Variants in PHACTR1 observed in about 807,000 individuals in gnomAD.
PHACTR1 encodes phosphatase and actin regulator 1, also known as RPEL repeat containing 1.
In PHACTR1, 16 loss-of-function variants were observed where a neutral mutation model predicts 69.2. The ratio of observed to expected loss-of-function variants is 0.23; its 90% CI spans 0.16 to 0.35. The LOEUF (loss-of-function observed/expected upper bound fraction) is 0.35. PHACTR1 is among the 10% of genes least tolerant of loss of function. PHACTR1 has a pLI of 1.00. For missense variants in PHACTR1, 510 were observed against 734.7 expected (o/e 0.69, Z 3.54); for synonymous variants, 312 against 284.5 (o/e 1.10, Z -0.97).
chr6:12,841,445 T>C (rs558597339), intron 4 of PHACTR1, among the ~76,000 whole-genome samples: 21 of 152,324 alleles, frequency 1.4e-4, no homozygotes, highest in African/African-American at 4.3e-4. Flanking sequence ...GAGTGGGGCT[T>C]CACAATATCT....
intron 6 of PHACTR1, among the ~76,000 whole-genome samples, chr6:13,173,722 T>C (rs760034345): frequency 2.0e-5 from 3 of 152,050 alleles, no homozygotes; most frequent in Non-Finnish European, 2.9e-5. Context: ...CTCTCTGAGG[T>C]GTTTAGATGG....
At chr6:13,149,118 C>T (rs1481197797) in intron 5 of PHACTR1, among the ~76,000 whole-genome samples, 4 of 152,064 alleles carry the variant, frequency 2.6e-5, no homozygotes, top group East Asian at 1.9e-4. Flanking sequence ...CCCTGCTGAG[C>T]GAGCTGACCT....
In PHACTR1 at chr6:12,961,332, T is replaced by A. The variant is rs550679428; in HGVS notation, c.251-92033T>A. 1.4e-3 allele frequency among the ~76,000 whole-genome samples: 214 copies of A among 152,336 alleles called. 1 individual carries two copies. The highest frequency in any genetic ancestry group is 4.9e-3 in the African/African-American group (203 of 41,582). ...GGAAAAACACCCAAACTTGGGTATA[T>A]TCTAATGCTAGGGAAAAAGAAGAAG... On this transcript the variant is annotated intron_variant, in intron 4 of 14. Coordinates refer to ENST00000332995, the MANE Select transcript of PHACTR1 (RefSeq NM_030948.6).
At chr6:12,778,274 C>CA (rs1284022007) in intron 4 of PHACTR1, among the ~76,000 whole-genome samples, 1 of 152,162 alleles carries the variant, frequency 6.6e-6, no homozygotes, top group Non-Finnish European at 1.5e-5. Context: ...ATATAGGCTA[C>CA]AAAATCACTT....
chr6:13,027,692 T>G (rs985473731), intron 4 of PHACTR1, among the ~76,000 whole-genome samples: 4 of 151,780 alleles, frequency 2.6e-5, no homozygotes, highest in African/African-American at 9.7e-5. Context: ...AATTTTTTTT[T>G]TGAGACAGAG....
intron 5 of PHACTR1, among the ~76,000 whole-genome samples, chr6:13,155,566 G>A (rs1295742202): frequency 6.6e-6 from 1 of 152,272 alleles, no homozygotes; most frequent in East Asian, 1.9e-4. Context: ...GAGGTGTCAT[G>A]CATACCTTGT....
chr6:13,039,006 A>G (rs1583077235), intron 4 of PHACTR1, among the ~76,000 whole-genome samples: 1 of 152,210 alleles, frequency 6.6e-6, no homozygotes, highest in Non-Finnish European at 1.5e-5. Flanking sequence ...ACTTTAGTTC[A>G]TATCTCATTG....
intron 4 of PHACTR1, among the ~76,000 whole-genome samples, chr6:12,868,976 G>T (rs1236688352): frequency 6.6e-6 from 1 of 152,074 alleles, no homozygotes; most frequent in Non-Finnish European, 1.5e-5. Context: ...TTGCCCAGTA[G>T]TCGGTTCCAG....
At chr6:12,933,903 A>C in intron 4 of PHACTR1, 1 of 1,611,322 alleles carries the variant, frequency 6.2e-7, no homozygotes, top group Non-Finnish European at 8.5e-7. Flanking sequence ...GAGGACATTT[A>C]CTCTTTGGTC....
chr6:12,776,863 A>C (rs1199758603), intron 4 of PHACTR1, among the ~76,000 whole-genome samples: 1 of 152,214 alleles, frequency 6.6e-6, no homozygotes. Context: ...ATTCTTTAGC[A>C]AATGTAGAAA....
chr6:13,146,947 G>C (rs1583576772), intron 5 of PHACTR1, among the ~76,000 whole-genome samples: 2 of 152,154 alleles, frequency 1.3e-5, no homozygotes, highest in African/African-American at 4.8e-5. Flanking sequence ...CCTCTTACAA[G>C]TAATACAAGC....
chr6:12,844,705 G>A (rs1779029709), intron 4 of PHACTR1, among the ~76,000 whole-genome samples: 1 of 151,446 alleles, frequency 6.6e-6, no homozygotes, highest in African/African-American at 2.4e-5. Flanking sequence ...AGCCTGCAAT[G>A]TTTCAAGAAG....
chr6:12,829,964 A>AGAGAGAGAGAGAGAGAGAG (rs1777240400), intron 4 of PHACTR1, among the ~76,000 whole-genome samples: 1 of 99,854 alleles, frequency 1.0e-5, no homozygotes, highest in African/African-American at 4.4e-5. Flanking sequence ...TCAAGAAAGA[A>AGAGAGAGAGAGAGAGAGAG]AGAGAGAGAG....
intron 4 of PHACTR1, among the ~76,000 whole-genome samples, chr6:12,896,532 T>C (rs950757640): frequency 4.6e-5 from 7 of 152,090 alleles, no homozygotes; most frequent in African/African-American, 1.7e-4. Flanking sequence ...TAAGGTACAA[T>C]TAAGTGCTTC....
intron 4 of PHACTR1, among the ~76,000 whole-genome samples, chr6:12,992,158 C>A (rs1390594199): frequency 6.6e-6 from 1 of 152,158 alleles, no homozygotes; most frequent in Admixed American, 6.5e-5. Flanking sequence ...CAATCCCCTC[C>A]AAATCCCCAG....
At chr6:13,187,425 G>C (rs1001581741) in intron 7 of PHACTR1, among the ~76,000 whole-genome samples, 6 of 152,208 alleles carry the variant, frequency 3.9e-5, no homozygotes. Flanking sequence ...CAAAACCTCA[G>C]AGGTGGCAAC....
intron 5 of PHACTR1, among the ~76,000 whole-genome samples, chr6:13,159,971 G>A (rs1758745614): frequency 6.6e-6 from 1 of 152,052 alleles, no homozygotes; most frequent in Admixed American, 6.5e-5. Flanking sequence ...CCCTGTCATA[G>A]GTGGTAATTT....
chr6:12,781,290 T>C (rs550649824), intron 4 of PHACTR1, among the ~76,000 whole-genome samples: 2 of 152,264 alleles, frequency 1.3e-5, no homozygotes, highest in African/African-American at 4.8e-5. Context: ...GTGATAACTT[T>C]ACAGTACAGA....
intron 4 of PHACTR1, among the ~76,000 whole-genome samples, chr6:12,830,453 A>G (rs994408191): frequency 2.0e-5 from 3 of 152,090 alleles, no homozygotes; most frequent in African/African-American, 7.2e-5. Context: ...GAACATGTTA[A>G]TAGAAATGAT....
Sources: allele counts gnomAD v4.1 joint callset (sites outside exome capture counted in the v4.1 genomes callset), GRCh38; gene constraint gnomAD v4.1.1; transcripts MANE v1.5; gene names NCBI Gene and HGNC (gene_info 2026-07-23, HGNC 2026-07-21).